The following LIMD1 variants were observed in gnomAD, a reference collection of about 807,000 sequenced individuals.
LIMD1 encodes the protein LIM domain containing 1.
LIMD1 carries 23 observed loss-of-function variants against 58.4 expected under a neutral mutation model. The observed-to-expected ratio is 0.39, with a 90% CI of 0.28 to 0.56. The LOEUF is 0.56. Ranked by LOEUF, LIMD1 falls within the 20% of genes least tolerant of loss-of-function variation. The pLI, the probability that LIMD1 is intolerant of heterozygous loss-of-function variation, is 0.57. For missense variants in LIMD1, 838 were observed against 855.5 expected (o/e 0.98, Z 0.25); for synonymous variants, 334 against 345.5 (o/e 0.97, Z 0.37).
intron 2 of LIMD1, among the ~76,000 whole-genome samples, chr3:45,654,133 G>T (rs1227070921): frequency 6.6e-6 from 1 of 152,128 alleles, no homozygotes; most frequent in African/African-American, 2.4e-5. Flanking sequence ...ACCACATGTG[G>T]CTAGTAGCCA....
Position 45,596,002 on chromosome 3 carries a change from A to G in LIMD1, c.1123A>G (p.Thr375Ala). 1 of 1,614,160 alleles carries G rather than the reference A, an allele frequency of 6.2e-7. No homozygotes were observed. The highest frequency in any genetic ancestry group is 1.1e-5 in the South Asian group (1 of 91,086). The stretch of plus-strand genomic sequence containing the variant: ...TGGGCTGGGGCCGAAGCCTGGCTGC[A>G]CAGACCTTGGCACTGGTCCCAAGCT... ...VPGLGPKPGCTDLGTGPKLSP... is the reference protein window; with the variant it reads ...VPGLGPKPGCADLGTGPKLSP... The change falls in exon 1 of 8, where the codon ACA becomes GCA. Residue 375 changes from threonine (T) to alanine (A), a missense_variant. Thr to Ala is a moderately conservative substitution (Grantham distance 58). This residue lies in a region of LIMD1 where 659 missense variants were observed against 639.8 expected (regional missense o/e 1.03). Coordinates refer to ENST00000273317, the MANE Select transcript of LIMD1 (RefSeq NM_014240.3).
chr3:45,666,143 C>T (rs1174461229), intron 3 of LIMD1, among the ~76,000 whole-genome samples: 1 of 152,176 alleles, frequency 6.6e-6, no homozygotes, highest in African/African-American at 2.4e-5. Flanking sequence ...GCTGGCATCC[C>T]ACTGGCCCCT....
chr3:45,598,138 G>A (rs778055374), intron 1 of LIMD1, among the ~76,000 whole-genome samples: 3 of 151,928 alleles, frequency 2.0e-5, no homozygotes, highest in African/African-American at 4.8e-5. Context: ...GGAAGGGGAC[G>A]TGGAGGTGGG....
intron 1 of LIMD1, among the ~76,000 whole-genome samples, chr3:45,622,339 G>A (rs1230122584): frequency 6.6e-6 from 1 of 152,132 alleles, no homozygotes; most frequent in Admixed American, 6.6e-5. Flanking sequence ...ATGCGTGAGG[G>A]ATATAGTCCA....
rs1354896515 is a variant in LIMD1 at position 45,595,306 on chromosome 3, C to T, written c.427C>T (p.His143Tyr). Residue 143 changes from histidine (H) to tyrosine (Y), a missense_variant, in exon 1 of 8, where the codon CAT becomes TAT. His to Tyr is a moderately conservative substitution (Grantham distance 83, BLOSUM62 2). Transcript: ENST00000273317. ...RSRPYLHGTR[H>Y]GSQDCGSRES... ...CAGGCCATACCTGCATGGCACGAGG[C>T]ATGGCAGCCAGGACTGTGGTTCCAG... 43 of 1,613,338 alleles carry T rather than the reference C, an allele frequency of 2.7e-5. No homozygotes were observed. Among genetic ancestry groups the T allele is most frequent in the Non-Finnish European group, 3.6e-5 (43 of 1,180,046 alleles).
chr3:45,631,300 C>CA (rs144073052), intron 1 of LIMD1, among the ~76,000 whole-genome samples: 11,179 of 146,580 alleles, frequency 0.076, 1,329 homozygotes, highest in African/African-American at 0.26. Flanking sequence ...GAGACTCTCT[C>CA]AAAAAAAAAA....
At chr3:45,672,238 C>G (rs1050272526) in intron 4 of LIMD1, among the ~76,000 whole-genome samples, 7 of 152,182 alleles carry the variant, frequency 4.6e-5, no homozygotes, top group African/African-American at 1.7e-4. Flanking sequence ...CATGGAATTT[C>G]TTTTCATTTT....
At chr3:45,647,230 T>G (rs1701916954) in intron 2 of LIMD1, among the ~76,000 whole-genome samples, 1 of 152,232 alleles carries the variant, frequency 6.6e-6, no homozygotes, top group Non-Finnish European at 1.5e-5. Context: ...CATATGCCTT[T>G]TCCCTCATTG....
intron 5 of LIMD1, among the ~76,000 whole-genome samples, chr3:45,673,057 G>A (rs548708843): frequency 7.2e-5 from 11 of 151,956 alleles, no homozygotes; most frequent in African/African-American, 2.7e-4. Flanking sequence ...ACAGAGCACA[G>A]AAAAACTAAT....
intron 1 of LIMD1, among the ~76,000 whole-genome samples, chr3:45,623,192 T>C (rs1396633533): frequency 6.6e-6 from 1 of 152,204 alleles, no homozygotes; most frequent in African/African-American, 2.4e-5. Context: ...TGGCCATTCC[T>C]ATTTCGTATT....
chr3:45,602,702 G>A (rs1701427821), intron 1 of LIMD1, among the ~76,000 whole-genome samples: 1 of 142,772 alleles, frequency 7.0e-6, no homozygotes, highest in Admixed American at 7.2e-5. Context: ...CAAGGAACAT[G>A]TGGATGTCCT....
chr3:45,606,135 T>G (rs140389229), intron 1 of LIMD1, among the ~76,000 whole-genome samples: 9 of 152,382 alleles, frequency 5.9e-5, no homozygotes, highest in Non-Finnish European at 1.3e-4. Flanking sequence ...CTCACCTGTA[T>G]TACGTTGTTC....
chr3:45,635,972 A>G, intron 1 of LIMD1, 178 bp from the exon 2 acceptor site: 1 of 985,314 alleles, frequency 1.0e-6, no homozygotes, highest in Non-Finnish European at 1.2e-6. Context: ...TGTTTTCTGC[A>G]GTTGAAAGAG....
intron 1 of LIMD1, chr3:45,613,077 G>GC (rs143920918): frequency 0.08 from 12,138 of 152,184 alleles, 616 homozygotes; most frequent in Non-Finnish European, 0.13. Context: ...GTTTCAAATG[G>GC]CCCCCAGGCA....
At chr3:45,664,241 A>G (rs1000969145) in intron 2 of LIMD1, among the ~76,000 whole-genome samples, 2 of 152,024 alleles carry the variant, frequency 1.3e-5, no homozygotes, top group African/African-American at 4.8e-5. Context: ...CCTGACCTCA[A>G]GTGATCCTCC....
At chr3:45,659,618 T>C (rs1431753580) in intron 2 of LIMD1, among the ~76,000 whole-genome samples, 1 of 152,100 alleles carries the variant, frequency 6.6e-6, no homozygotes, top group Non-Finnish European at 1.5e-5. Context: ...TCCCCAAACA[T>C]ATATATATGC....
At chr3:45,635,963 G>A (rs1352988178) in intron 1 of LIMD1, 187 bp from the exon 2 acceptor site, 2 of 985,124 alleles carry the variant, frequency 2.0e-6, no homozygotes, top group Non-Finnish European at 2.4e-6. Context: ...CCTGGTAGCT[G>A]TTTTCTGCAG....
intron 1 of LIMD1, among the ~76,000 whole-genome samples, chr3:45,603,884 A>G (rs1308553002): frequency 6.6e-6 from 1 of 152,186 alleles, no homozygotes; most frequent in East Asian, 1.9e-4. Flanking sequence ...TACGATGTAC[A>G]CATATCATAG....
intron 2 of LIMD1, among the ~76,000 whole-genome samples, chr3:45,654,851 C>T (rs116470934): frequency 0.03 from 4,340 of 144,862 alleles, 205 homozygotes; most frequent in African/African-American, 0.1. Context: ...AGAAAAAATT[C>T]ATTCACTACA....
Sources: gnomAD v4.1 joint callset for allele counts (sites outside exome capture counted in the v4.1 genomes callset) on GRCh38, gnomAD v4.1.1 for gene constraint, gnomAD v4.1.1 regional missense constraint, MANE v1.5 for transcripts, NCBI Gene and HGNC (gene_info 2026-07-23, HGNC 2026-07-21) for gene names.